Variants in FBXL7 observed in about 807,000 individuals in gnomAD.
FBXL7 encodes the protein F-box and leucine rich repeat protein 7, also known as F-box/LRR-repeat protein 7.
Under a neutral mutation model 38.3 loss-of-function variants are expected in FBXL7, and 12 were observed. That is an observed-to-expected ratio of 0.31 (90% CI 0.20 to 0.51). FBXL7 has a LOEUF of 0.51. Ranked by LOEUF, FBXL7 falls within the 20% of genes least tolerant of loss-of-function variation. The pLI, the probability that FBXL7 is intolerant of heterozygous loss-of-function variation, is 0.98. For missense variants in FBXL7, 567 were observed against 676.4 expected, an observed-to-expected ratio of 0.84 and a Z score of 1.79; for synonymous variants, 297 against 300.9, an observed-to-expected ratio of 0.99 and a Z score of 0.13.
At chr5:15,618,352 C>G (rs1740518057) in intron 2 of FBXL7, among the ~76,000 whole-genome samples, 2 of 152,016 alleles carry the variant, frequency 1.3e-5, no homozygotes, top group African/African-American at 4.8e-5. Context: ...CCTTGCATAA[C>G]TGAAAAAATT....
intron 2 of FBXL7, among the ~76,000 whole-genome samples, chr5:15,922,781 A>T (rs1741776897): frequency 1.3e-5 from 2 of 152,208 alleles, no homozygotes; most frequent in East Asian, 3.9e-4. Flanking sequence ...TAAACAGCTA[A>T]TTTTCATATA....
intron 2 of FBXL7, among the ~76,000 whole-genome samples, chr5:15,842,663 A>C (rs1738781356): frequency 6.6e-6 from 1 of 152,146 alleles, no homozygotes; most frequent in South Asian, 2.1e-4. Context: ...GAGATAATAG[A>C]ATCATGGAGG....
intron 1 of FBXL7, among the ~76,000 whole-genome samples, chr5:15,539,418 C>G (rs1737674605): frequency 6.6e-6 from 1 of 152,088 alleles, no homozygotes; most frequent in African/African-American, 2.4e-5. Flanking sequence ...CTGAGTAACT[C>G]TTAATGGTCT....
At chr5:15,722,467 C>G (rs374250443) in intron 2 of FBXL7, among the ~76,000 whole-genome samples, 14 of 152,254 alleles carry the variant, frequency 9.2e-5, no homozygotes, top group African/African-American at 3.1e-4. Flanking sequence ...GAGGTACACA[C>G]AGTAATTGCA....
intron 2 of FBXL7, among the ~76,000 whole-genome samples, chr5:15,789,270 T>C (rs963002625): frequency 6.6e-6 from 1 of 152,138 alleles, no homozygotes; most frequent in Admixed American, 6.5e-5. Context: ...ATATAGTCAT[T>C]TTTATGTCTC....
At chr5:15,704,508 C>T (rs1296307979) in intron 2 of FBXL7, among the ~76,000 whole-genome samples, 1 of 152,140 alleles carries the variant, frequency 6.6e-6, no homozygotes, top group Non-Finnish European at 1.5e-5. Context: ...AAGATGATTA[C>T]AGAAAAGCAC....
chr5:15,665,644 A>G (rs991109807), intron 2 of FBXL7, among the ~76,000 whole-genome samples: 5 of 152,194 alleles, frequency 3.3e-5, no homozygotes, highest in African/African-American at 1.2e-4. Flanking sequence ...GCCCATTTAA[A>G]TTAGCCCAAA....
At chr5:15,652,916 G>A (rs1344233771) in intron 2 of FBXL7, among the ~76,000 whole-genome samples, 1 of 152,140 alleles carries the variant, frequency 6.6e-6, no homozygotes, top group East Asian at 1.9e-4. Flanking sequence ...AATGCATGAG[G>A]TGATAGATAC....
intron 2 of FBXL7, among the ~76,000 whole-genome samples, chr5:15,674,555 T>C (rs1742590037): frequency 6.6e-6 from 1 of 152,218 alleles, no homozygotes; most frequent in South Asian, 2.1e-4. Flanking sequence ...CTTTGGAGAA[T>C]AGCAGCACTC....
intron 1 of FBXL7, among the ~76,000 whole-genome samples, chr5:15,525,226 T>C (rs949006167): frequency 6.6e-6 from 1 of 152,218 alleles, no homozygotes; most frequent in East Asian, 1.9e-4. Flanking sequence ...GTGTTAACAA[T>C]TCTTTATTTT....
chr5:15,502,094 T>G (rs189459749), intron 1 of FBXL7, among the ~76,000 whole-genome samples: 19 of 152,298 alleles, frequency 1.2e-4, no homozygotes, highest in African/African-American at 4.6e-4. Flanking sequence ...TGATTAAGCC[T>G]TCTTACTCCG....
intron 2 of FBXL7, among the ~76,000 whole-genome samples, chr5:15,791,189 C>T (rs2126731195): frequency 6.6e-6 from 1 of 152,180 alleles, no homozygotes; most frequent in Admixed American, 6.5e-5. Flanking sequence ...TAAACCTGAG[C>T]ACAGTGTCAA....
At chr5:15,852,586 G>A (rs1443742188) in intron 2 of FBXL7, among the ~76,000 whole-genome samples, 1 of 151,380 alleles carries the variant, frequency 6.6e-6, no homozygotes, top group Non-Finnish European at 1.5e-5. Flanking sequence ...GCATAGACAT[G>A]AAACCTTTTG....
chr5:15,513,386 A>G (rs1209860505), intron 1 of FBXL7, among the ~76,000 whole-genome samples: 2 of 152,238 alleles, frequency 1.3e-5, no homozygotes, highest in Non-Finnish European at 2.9e-5. Context: ...ACAGCTTCAG[A>G]TAAAGGATCA....
rs866101359 is a variant in FBXL7, at chr5:15,760,438, A to G, written c.127+144366A>G. On this transcript the variant is annotated intron_variant, in intron 2 of 3. Transcript: ENST00000504595. Reference sequence around the variant, plus strand: ...CATTTTGGAAAAGCAAAAAAAAAAAAAAGAAAAAAGTTGAGAGAGTCCTAG... The same window carrying G: ...CATTTTGGAAAAGCAAAAAAAAAAAGAAGAAAAAAGTTGAGAGAGTCCTAG... Among the ~76,000 whole-genome samples, 19 of 152,056 alleles carry G rather than the reference A, an allele frequency of 1.2e-4. 1 individual carries two copies. In the South Asian group the frequency reaches 1.7e-3, roughly 13 times the overall value.
At chr5:15,758,269 T>G (rs1736351346) in intron 2 of FBXL7, among the ~76,000 whole-genome samples, 1 of 152,028 alleles carries the variant, frequency 6.6e-6, no homozygotes, top group Admixed American at 6.6e-5. Flanking sequence ...TGATTTAATC[T>G]TTATATAGTC....
At chr5:15,572,054 A>G (rs932025966) in intron 1 of FBXL7, among the ~76,000 whole-genome samples, 1 of 152,168 alleles carries the variant, frequency 6.6e-6, no homozygotes, top group Admixed American at 6.5e-5. Context: ...TTAATTTTGT[A>G]AAAGACATCC....
At chr5:15,895,441 A>C (rs1741067425) in intron 2 of FBXL7, among the ~76,000 whole-genome samples, 1 of 152,096 alleles carries the variant, frequency 6.6e-6, no homozygotes, top group Non-Finnish European at 1.5e-5. Flanking sequence ...AAGCCTTAAA[A>C]GTCCTTTAAA....
At chr5:15,722,930 C>CAAAAAAAAAAAAAAAAAAAAA (rs1554017097) in intron 2 of FBXL7, among the ~76,000 whole-genome samples, 1 of 142,072 alleles carries the variant, frequency 7.0e-6, no homozygotes, top group African/African-American at 2.6e-5. Flanking sequence ...TCAAAAAAAA[C>CAAAAAAAAAAAAAAAAAAAAA]AAAAAAAAAA....
Sources: allele counts gnomAD v4.1 joint callset (sites outside exome capture counted in the v4.1 genomes callset), GRCh38; gene constraint gnomAD v4.1.1; transcripts MANE v1.5; gene names NCBI Gene and HGNC (gene_info 2026-07-23, HGNC 2026-07-21).